The following SMARCA2 variants were observed in gnomAD, a reference collection of about 807,000 sequenced individuals.
The protein encoded by SMARCA2 is SWI/SNF-related matrix-associated actin-dependent regulator of chromatin subfamily A member 2.
Under a neutral mutation model 199.8 loss-of-function variants are expected in SMARCA2, and 61 were observed. The observed-to-expected ratio is 0.31, with a 90% CI of 0.25 to 0.38. The LOEUF (loss-of-function observed/expected upper bound fraction) is 0.38, where lower values mean the gene tolerates loss of function less well. Among genes scored for constraint, SMARCA2 ranks in the 10% least tolerant of loss-of-function variants. The probability of loss-of-function intolerance (pLI) is 1.00; values close to 1 mark genes in which losing one functional copy is unlikely to be tolerated. For synonymous variants in SMARCA2, 935 were observed against 732.0 expected, an observed-to-expected ratio of 1.28 and a Z score of -4.48; for missense variants, 1,344 against 2,012.2, an observed-to-expected ratio of 0.67 and a Z score of 6.35.
Position 2,039,787 on chromosome 9 carries a change from AGC to A in SMARCA2, c.678_679del (p.Gln227AlafsTer31). The A allele has an allele frequency of 3.8e-6, 6 of 1,572,332 alleles. No individual in the cohort carries two copies. The highest frequency in any genetic ancestry group is 2.2e-5 in the South Asian group (2 of 89,020). On this transcript the variant is annotated frameshift_variant, in exon 4 of 34. Coordinates refer to ENST00000349721, the MANE Select transcript of SMARCA2 (RefSeq NM_003070.5). LOFTEE classifies it high-confidence loss of function. This position sits in a 1 kb window ranked among gnomAD's most constrained non-coding sequence, Gnocchi z 4.8. ...CAACAGCAGCAGCAACAGCAGCAGC[AGC>A]AGCAGCAGCAGCAGCAGCAGCAGCA...
intron 2 of SMARCA2, among the ~76,000 whole-genome samples, chr9:2,029,515 T>C (rs1029568928): frequency 2.6e-5 from 4 of 152,248 alleles, no homozygotes; most frequent in African/African-American, 7.2e-5. Context: ...ATTTGTGGGT[T>C]GAAGGTATTT....
At chr9:2,184,341 A>G (rs1827272396) in intron 31 of SMARCA2, among the ~76,000 whole-genome samples, 1 of 144,448 alleles carries the variant, frequency 6.9e-6, no homozygotes, top group African/African-American at 2.6e-5. Context: ...CTTGCAAAAC[A>G]TAGGATAATA....
At chr9:2,114,650 G>T (rs940992644) in intron 24 of SMARCA2, among the ~76,000 whole-genome samples, 6 of 152,172 alleles carry the variant, frequency 3.9e-5, no homozygotes, top group African/African-American at 1.2e-4. Context: ...TTTTTATTAC[G>T]TAGCTATAAA....
intron 28 of SMARCA2, among the ~76,000 whole-genome samples, chr9:2,166,160 T>C (rs76995544): frequency 0.02 from 3,012 of 152,326 alleles, 45 homozygotes; most frequent in Middle Eastern, 0.061. Context: ...CTCAGGACAT[T>C]GTCCTTCAGG....
rs369282069 is a variant in SMARCA2 at position 2,110,444 on chromosome 9, G to A, written c.3456+27G>A. The A allele has an allele frequency of 1.3e-6, 2 of 1,551,720 alleles. No homozygotes were observed. Among genetic ancestry groups the A allele is most frequent in the Non-Finnish European group, 1.7e-6 (2 of 1,151,104 alleles). Reference sequence around the variant, plus strand: ...TCTGCATGTCCCACTCAGGTGCCCAGGCCTCCCTCTGGAGAGCAACTAAAA... The same window carrying A: ...TCTGCATGTCCCACTCAGGTGCCCAAGCCTCCCTCTGGAGAGCAACTAAAA... On this transcript the variant is annotated intron_variant, in intron 24 of 33. Coordinates refer to ENST00000349721, the MANE Select transcript of SMARCA2 (RefSeq NM_003070.5). The surrounding 1 kb of genome is among the most constrained non-coding windows in gnomAD (Gnocchi z 4.8).
rs1040777417 is a variant in SMARCA2 at position 2,056,881 on chromosome 9, G to T, written c.1347+36G>T. The stretch of plus-strand genomic sequence containing the variant: ...CCTGGGCTTTGCTCACCCTCACTTT[G>T]GCAGAGCTGTCCAATGAATTCATCA... On this transcript the variant is annotated intron_variant, in intron 7 of 33. Transcript: ENST00000349721. The surrounding 1 kb of genome is among the most constrained non-coding windows in gnomAD (Gnocchi z 4.0). 1 of 1,592,998 alleles carries T rather than the reference G, an allele frequency of 6.3e-7. No homozygotes were observed. The highest frequency in any genetic ancestry group is 1.4e-5 in the African/African-American group (1 of 73,952).
intron 5 of SMARCA2, among the ~76,000 whole-genome samples, chr9:2,048,384 C>G: frequency 6.6e-6 from 1 of 152,124 alleles, no homozygotes; most frequent in East Asian, 1.9e-4. Flanking sequence ...TCCTCCTAGG[C>G]TAAAAGAAGA....
chr9:2,063,314 G>T (rs1440155785), intron 9 of SMARCA2, among the ~76,000 whole-genome samples: 1 of 152,208 alleles, frequency 6.6e-6, no homozygotes, highest in East Asian at 1.9e-4. Flanking sequence ...AAGTGCAAAG[G>T]AAGGGGATGC....
At chr9:2,189,967 G>C (rs1489942653) in intron 32 of SMARCA2, among the ~76,000 whole-genome samples, 1 of 152,272 alleles carries the variant, frequency 6.6e-6, no homozygotes, top group Middle Eastern at 3.4e-3. Flanking sequence ...ATTTCTAGAT[G>C]CCTTGAGACC....
At chr9:2,024,343 G>A (rs1289800741) in intron 1 of SMARCA2, among the ~76,000 whole-genome samples, 6 of 151,962 alleles carry the variant, frequency 3.9e-5, no homozygotes, top group Non-Finnish European at 7.4e-5. Context: ...GTACCCCTCC[G>A]TGTCCTGCAG....
At chr9:2,032,901 A>G in intron 2 of SMARCA2, 51 bp from the exon 3 acceptor site, 3 of 1,557,886 alleles carry the variant, frequency 1.9e-6, no homozygotes, top group Non-Finnish European at 2.6e-6. Context: ...CTCCAAATAG[A>G]AATATTTTAC....
chr9:2,157,752 C>G (rs888903810), intron 27 of SMARCA2: 122 of 394,248 alleles, frequency 3.1e-4, no homozygotes, highest in Non-Finnish European at 1.3e-5. Context: ...CCCTGTTTAC[C>G]TATTCATAAT....
intron 7 of SMARCA2, among the ~76,000 whole-genome samples, chr9:2,057,831 G>A (rs1820423789): frequency 6.6e-6 from 1 of 152,140 alleles, no homozygotes. Flanking sequence ...AATTCTGCAT[G>A]GCAATTTTAA....
At chr9:2,081,389 G>A (rs1434999419) in intron 14 of SMARCA2, among the ~76,000 whole-genome samples, 1 of 152,128 alleles carries the variant, frequency 6.6e-6, no homozygotes, top group Non-Finnish European at 1.5e-5. Context: ...CTGGCTCCCT[G>A]GTCAGTCCGC....
rs1563771066 is a variant in SMARCA2, at chr9:2,104,415, C to G, written c.3292+246C>G. 6.6e-6 allele frequency among the ~76,000 whole-genome samples: 1 copy of G among 152,056 alleles called. No homozygotes were observed. Among genetic ancestry groups the G allele is most frequent in the Non-Finnish European group, 1.5e-5 (1 of 68,012 alleles). Reference sequence around the variant, plus strand: ...TGAGTTTAGAGTCACTTTTGAGTACCTAAATAAAATAAAATTAAACTAAAT... The same window carrying G: ...TGAGTTTAGAGTCACTTTTGAGTACGTAAATAAAATAAAATTAAACTAAAT... On this transcript the variant is annotated intron_variant, in intron 23 of 33. Transcript: ENST00000349721. This position sits in a 1 kb window ranked among gnomAD's most constrained non-coding sequence, Gnocchi z 4.0.
chr9:2,168,422 A>G lies in SMARCA2; in HGVS notation c.4200-1997A>G, dbSNP rs566112555. Among the ~76,000 whole-genome samples, 6 of 152,280 alleles carry G rather than the reference A, an allele frequency of 3.9e-5. No individual in the cohort carries two copies. In the South Asian group the frequency reaches 6.2e-4, roughly 16 times the overall value. On this transcript the variant is annotated intron_variant, in intron 28 of 33. Transcript: ENST00000349721. ...TACACACTGAAAAGTAATTTGCAGC[A>G]TTTTTCTCATTTTGAGTAGGGCTGA...
chr9:2,064,899 C>T (rs1159242228), intron 9 of SMARCA2, among the ~76,000 whole-genome samples: 1 of 152,170 alleles, frequency 6.6e-6, no homozygotes, highest in African/African-American at 2.4e-5. Flanking sequence ...AAAGTTTAGC[C>T]ATCAGCTGGG....
At chr9:2,117,687 A>C (rs1823271594) in intron 25 of SMARCA2, among the ~76,000 whole-genome samples, 1 of 152,164 alleles carries the variant, frequency 6.6e-6, no homozygotes, top group Non-Finnish European at 1.5e-5. Flanking sequence ...AGCCTTCCTA[A>C]GCCGCAGGGA....
chr9:2,125,237 G>A (rs1376909401), intron 27 of SMARCA2, among the ~76,000 whole-genome samples: 3 of 152,196 alleles, frequency 2.0e-5, no homozygotes, highest in Non-Finnish European at 4.4e-5. Context: ...GAACCGTTGT[G>A]TATAAAATAG....
Sources: gnomAD v4.1 joint callset for allele counts (sites outside exome capture counted in the v4.1 genomes callset) on GRCh38, gnomAD v4.1.1 for gene constraint, Gnocchi (gnomAD v3.1) non-coding constraint, MANE v1.5 for transcripts, NCBI Gene and HGNC (gene_info 2026-07-23, HGNC 2026-07-21) for gene names.